FNIP2: variants seen among roughly 807,000 people sequenced by gnomAD.
The protein encoded by FNIP2 is folliculin-interacting protein 2.
FNIP2 carries 32 observed loss-of-function variants against 108.7 expected under a neutral mutation model. That is an observed-to-expected ratio of 0.29 (90% CI 0.22 to 0.40). The LOEUF is 0.40. FNIP2 is among the 10% of genes least tolerant of loss of function. The probability of loss-of-function intolerance (pLI) is 1.00; values close to 1 mark genes in which losing one functional copy is unlikely to be tolerated. For missense variants in FNIP2, 1,202 were observed against 1,381.6 expected (o/e 0.87, Z 2.06); for synonymous variants, 480 against 496.7 (o/e 0.97, Z 0.45).
At chr4:158,829,303 T>C in intron 3 of FNIP2, 78 bp downstream of exon 3, 1 of 1,294,188 alleles carries the variant, frequency 7.7e-7, no homozygotes, top group South Asian at 1.6e-5. Context: ...AAATAATGCC[T>C]GCTCGAGGGC....
At chr4:158,889,431 T>C (rs1578986240) in intron 14 of FNIP2, among the ~76,000 whole-genome samples, 1 of 152,226 alleles carries the variant, frequency 6.6e-6, no homozygotes, top group Admixed American at 6.5e-5. Context: ...ACAAAGCACT[T>C]TGTGTTGGTA....
intron 14 of FNIP2, among the ~76,000 whole-genome samples, chr4:158,877,847 G>T (rs1024224076): frequency 6.6e-6 from 1 of 152,162 alleles, no homozygotes; most frequent in Non-Finnish European, 1.5e-5. Context: ...GGCTGAGGTG[G>T]GAGAATGATT....
intron 1 of FNIP2, chr4:158,808,802 G>C (rs1777111843): frequency 6.6e-6 from 1 of 152,098 alleles, no homozygotes; most frequent in African/African-American, 2.4e-5. Flanking sequence ...TGACAAGCAG[G>C]GGTTTTGTTT....
intron 14 of FNIP2, chr4:158,890,158 A>G (rs1011361193): frequency 7.1e-6 from 7 of 985,230 alleles, no homozygotes; most frequent in Non-Finnish European, 8.4e-6. Flanking sequence ...TCTCATGTTT[A>G]AAATTATTTG....
intron 7 of FNIP2, among the ~76,000 whole-genome samples, chr4:158,838,941 T>TC: frequency 6.6e-6 from 1 of 152,224 alleles, no homozygotes; most frequent in Non-Finnish European, 1.5e-5. Flanking sequence ...TTAATGTTTT[T>TC]CTCATGATTA....
intron 1 of FNIP2, among the ~76,000 whole-genome samples, chr4:158,804,837 C>G (rs1027799044): frequency 4.6e-5 from 7 of 152,120 alleles, no homozygotes; most frequent in Admixed American, 1.3e-4. Context: ...ATGTGTTCTT[C>G]TTGGAGAAAG....
intron 1 of FNIP2, among the ~76,000 whole-genome samples, chr4:158,795,154 C>T (rs1359064643): frequency 1.3e-5 from 2 of 152,210 alleles, no homozygotes; most frequent in African/African-American, 4.8e-5. Context: ...GCAGTTCTTT[C>T]TCAAAGGAGC....
chr4:158,881,694 C>T (rs1419519180), intron 14 of FNIP2, among the ~76,000 whole-genome samples: 1 of 152,238 alleles, frequency 6.6e-6, no homozygotes, highest in Non-Finnish European at 1.5e-5. Context: ...CGCGAGTGAT[C>T]TGCCAGCCTC....
intron 8 of FNIP2, among the ~76,000 whole-genome samples, chr4:158,853,264 C>T (rs1229140501): frequency 6.6e-6 from 1 of 152,080 alleles, no homozygotes; most frequent in African/African-American, 2.4e-5. Context: ...GATAGTCACT[C>T]CTGGCAAATG....
chr4:158,871,101 T>C (rs1270555676), intron 14 of FNIP2, among the ~76,000 whole-genome samples: 1 of 152,264 alleles, frequency 6.6e-6, no homozygotes, highest in Non-Finnish European at 1.5e-5. Context: ...TTAACTGATT[T>C]GTCATTAAGT....
At chr4:158,888,132 A>T (rs2126764304) in intron 14 of FNIP2, among the ~76,000 whole-genome samples, 1 of 152,298 alleles carries the variant, frequency 6.6e-6, no homozygotes, top group East Asian at 1.9e-4. Flanking sequence ...ACTTCCCTCT[A>T]GTTTGTTCTT....
At chr4:158,776,928 A>G (rs1182825143) in intron 1 of FNIP2, among the ~76,000 whole-genome samples, 2 of 152,234 alleles carry the variant, frequency 1.3e-5, no homozygotes, top group African/African-American at 2.4e-5. Flanking sequence ...GAATCTTGTT[A>G]CAGACAACTC....
Position 158,859,516 on chromosome 4 carries a change from G to A in FNIP2, c.1060-62G>A, listed in dbSNP as rs573014429. 22 of 1,371,190 alleles carry A rather than the reference G, an allele frequency of 1.6e-5. No individual in the cohort carries two copies. In the African/African-American group the frequency reaches 2.0e-4, roughly 13 times the overall value. The allele number at this position is 1,371,190 out of a possible 1,614,324, so 84.9% of individuals were successfully genotyped here. A position where few individuals can be genotyped will look rare whatever the true frequency, so the allele number is the denominator to read the frequency against. ...TTACATAATTTTTTTTATTAATACA[G>A]CCCAGTAGATAAGTTATAAAATTTC... On this transcript the variant is annotated intron_variant, in intron 9 of 16. Coordinates refer to ENST00000264433, the MANE Select transcript of FNIP2 (RefSeq NM_020840.3).
At chr4:158,834,909 C>T (rs781486437) in intron 6 of FNIP2, 3 of 153,654 alleles carry the variant, frequency 2.0e-5, no homozygotes, top group African/African-American at 7.2e-5. Context: ...TTCTATCTGC[C>T]AAGAGAGTGG....
intron 1 of FNIP2, among the ~76,000 whole-genome samples, chr4:158,773,156 A>G (rs1426807419): frequency 6.6e-6 from 1 of 152,240 alleles, no homozygotes; most frequent in Non-Finnish European, 1.5e-5. Context: ...CCAATAATAT[A>G]AAACATGACA....
At position 158,861,354 on chromosome 4, in the gene FNIP2, G is replaced by C; in HGVS notation, c.1161G>C (p.Trp387Cys). 1 of 1,613,390 alleles carries C rather than the reference G, an allele frequency of 6.2e-7. No homozygotes were observed. The highest frequency in any genetic ancestry group is 8.5e-7 in the Non-Finnish European group (1 of 1,179,744). ...TTCTGTTCTATAGAGGAACTATCTG[G>C]AACTTATATTCTGTTCCAAGGATAG... ...EALGEFRGTI[W>C]NLYSVPRIAE... Residue 387 changes from tryptophan (W) to cysteine (C), a missense_variant, in exon 11 of 17, where the codon TGG (tryptophan) becomes TGC (cysteine). Around this residue, in one of 5 missense-constraint regions of FNIP2, gnomAD observed 878 missense variants for 990.3 expected, o/e 0.89. Coordinates refer to ENST00000264433, the MANE Select transcript of FNIP2 (RefSeq NM_020840.3).
chr4:158,870,067 G>C (rs541833007), intron 13 of FNIP2, among the ~76,000 whole-genome samples: 1 of 152,294 alleles, frequency 6.6e-6, no homozygotes, highest in East Asian at 1.9e-4. Flanking sequence ...CTGCCTGGTG[G>C]ATGTCCAATA....
In FNIP2 at chr4:158,907,375, C is replaced by T. The variant is rs1054206945; in HGVS notation, c.*2831C>T. On this transcript the variant is annotated 3_prime_UTR_variant, in exon 17 of 17. Transcript: ENST00000264433. ...ATCTTTTCACATCCCATGGAACTGCCGTTTACACATTGCAACTTTTTAAAC... is the reference window on the plus strand; with the variant it reads ...ATCTTTTCACATCCCATGGAACTGCTGTTTACACATTGCAACTTTTTAAAC... 7 of 152,042 alleles carry T rather than the reference C, an allele frequency of 4.6e-5. No homozygotes were observed. The highest frequency in any genetic ancestry group is 2.0e-4 in the Admixed American group (3 of 15,270). 9.4% of individuals were successfully genotyped at this position (152,042 alleles called of 1,614,324 possible). A position where few individuals can be genotyped will look rare whatever the true frequency, so the allele number is the denominator to read the frequency against.
chr4:158,815,579 T>G (rs1356025765), intron 1 of FNIP2, among the ~76,000 whole-genome samples: 1 of 152,064 alleles, frequency 6.6e-6, no homozygotes, highest in East Asian at 1.9e-4. Context: ...TTAGCCAGGA[T>G]GCTCTTGATC....
Sources: allele counts gnomAD v4.1 joint callset (sites outside exome capture counted in the v4.1 genomes callset), GRCh38; gene constraint gnomAD v4.1.1; regional missense constraint gnomAD v4.1.1; transcripts MANE v1.5; gene names NCBI Gene and HGNC (gene_info 2026-07-23, HGNC 2026-07-21).